HHAT: variants seen among roughly 807,000 people sequenced by gnomAD.
HHAT encodes protein-cysteine N-palmitoyltransferase HHAT.
Under a neutral mutation model 70.8 loss-of-function variants are expected in HHAT, and 47 were observed. The observed-to-expected ratio is 0.66, with a 90% confidence interval of 0.53 to 0.85. The LOEUF is 0.85. Among genes scored for constraint, HHAT ranks in the 40% least tolerant of loss-of-function variants. The pLI is 0.00. For synonymous variants in HHAT, 228 were observed against 247.6 expected (o/e 0.92, Z 0.74); for missense variants, 609 against 604.8 (o/e 1.01, Z -0.07).
chr1:210,599,776 T>C (rs1663826009), intron 10 of HHAT, among the ~76,000 whole-genome samples: 4 of 152,176 alleles, frequency 2.6e-5, no homozygotes, highest in African/African-American at 9.7e-5. Flanking sequence ...TATTTCTCCA[T>C]AAAAACCTAA....
At chr1:210,588,440 A>T (rs562076254) in intron 10 of HHAT, 2 of 203,174 alleles carry the variant, frequency 9.8e-6, no homozygotes, top group South Asian at 2.1e-4. Flanking sequence ...ATATGTATAT[A>T]ACATTAAAAC....
intron 6 of HHAT, among the ~76,000 whole-genome samples, chr1:210,416,323 A>G (rs974629081): frequency 6.6e-6 from 1 of 152,178 alleles, no homozygotes; most frequent in South Asian, 2.1e-4. Context: ...TGCTAAATCA[A>G]GCTCATTTCC....
chr1:210,410,725 C>A (rs2092520524), intron 6 of HHAT, among the ~76,000 whole-genome samples: 1 of 151,510 alleles, frequency 6.6e-6, no homozygotes, highest in Admixed American at 6.6e-5. Flanking sequence ...AGGGTTTGAC[C>A]CTGTTGGCCA....
intron 10 of HHAT, chr1:210,589,440 G>A (rs1401429917): frequency 3.3e-5 from 5 of 152,134 alleles, no homozygotes; most frequent in African/African-American, 1.2e-4. Context: ...GTAACACACA[G>A]GAAAACCAAA....
intron 8 of HHAT, among the ~76,000 whole-genome samples, chr1:210,479,231 C>T (rs1380707569): frequency 1.3e-5 from 2 of 152,190 alleles, no homozygotes; most frequent in Non-Finnish European, 1.5e-5. Flanking sequence ...TAGAGCCTCT[C>T]AGAATGAATT....
At position 210,410,523 on chromosome 1, in the gene HHAT, A is replaced by ATTTTTTTTTTTTTTTTT. The variant is rs35608235; in HGVS notation, c.684+5850_684+5866dup. On this transcript the variant is annotated intron_variant, in intron 6 of 11. Transcript: ENST00000261458. ...CTTTTGCTGTGTTGTTTATTTGTAA[A>ATTTTTTTTTTTTTTTTT]TTTTTTTTTTTTTTTTTTTTTTAAG... is the stretch of plus-strand genomic sequence containing the variant. Among the ~76,000 whole-genome samples, 11 of 116,430 alleles carry ATTTTTTTTTTTTTTTTT rather than the reference A, an allele frequency of 9.4e-5. 1 individual carries two copies. Among genetic ancestry groups the ATTTTTTTTTTTTTTTTT allele is most frequent in the African/African-American group, 3.3e-4 (9 of 27,634 alleles). The allele number at this position is 116,430 out of a possible 152,430, so 76.4% of individuals were successfully genotyped here.
chr1:210,651,920 C>A (rs1412923132), intron 11 of HHAT, among the ~76,000 whole-genome samples: 3 of 152,180 alleles, frequency 2.0e-5, no homozygotes, highest in African/African-American at 7.2e-5. Flanking sequence ...TGGGGGCCCA[C>A]AGGAGCCCTG....
rs768820197 is a variant in HHAT, at chr1:210,587,917, G to A, written c.1063G>A (p.Gly355Ser). Residue 355 changes from glycine to serine, a missense_variant, in exon 10 of 12, where the codon GGC becomes AGC. Physicochemically the swap from Gly to Ser is moderately conservative, Grantham distance 56. Coordinates refer to ENST00000261458, the MANE Select transcript of HHAT (RefSeq NM_018194.6). Reference protein sequence around the residue: ...FLIRYVYIPVGGSQHGLLGTL... With the variant: ...FLIRYVYIPVSGSQHGLLGTL... ...CTCTAGGTATGTGTACATTCCAGTG[G>A]GCGGGTCCCAGCATGGCCTGCTGGG... 70 of 1,613,868 alleles carry A rather than the reference G, an allele frequency of 4.3e-5. No homozygotes were observed. The highest frequency in any genetic ancestry group is 5.7e-5 in the Non-Finnish European group (67 of 1,179,992).
At chr1:210,656,766 G>C (rs1676513782) in intron 11 of HHAT, among the ~76,000 whole-genome samples, 1 of 152,140 alleles carries the variant, frequency 6.6e-6, no homozygotes, top group Admixed American at 6.5e-5. Flanking sequence ...TGCTTCTTTA[G>C]CAGAGAGGGC....
intron 7 of HHAT, among the ~76,000 whole-genome samples, chr1:210,443,266 G>A (rs1456750936): frequency 4.6e-5 from 7 of 151,838 alleles, no homozygotes; most frequent in South Asian, 2.1e-4. Context: ...TATAGTTTGA[G>A]GTCAGGTAGT....
At chr1:210,482,652 G>A (rs542764236) in intron 8 of HHAT, among the ~76,000 whole-genome samples, 3 of 152,264 alleles carry the variant, frequency 2.0e-5, no homozygotes, top group Admixed American at 6.5e-5. Context: ...TATTTGTATC[G>A]AAGTAGAGAG....
At chr1:210,391,738 C>G (rs1318770756) in intron 4 of HHAT, among the ~76,000 whole-genome samples, 3 of 152,086 alleles carry the variant, frequency 2.0e-5, no homozygotes, top group African/African-American at 7.2e-5. Flanking sequence ...ACAAAAATCC[C>G]CTGATATCAG....
chr1:210,674,365 T>C lies in HHAT; in HGVS notation c.1468T>C (p.Tyr490His). The change falls in exon 12 of 12, where the codon TAC becomes CAC. Residue 490 changes from tyrosine (Y) to histidine (H), a missense_variant. By Grantham distance (83) the Tyr-to-His change is moderately conservative (BLOSUM62 2). Coordinates refer to ENST00000261458, the MANE Select transcript of HHAT (RefSeq NM_018194.6). ...SHVGIAWAQT[Y>H]ATD is the part of the protein sequence containing the mutation. Reference sequence around the variant, plus strand: ...CGTGGGCATTGCCTGGGCCCAGACCTACGCCACGGACTAATGCTGTTGGGC... The same window carrying C: ...CGTGGGCATTGCCTGGGCCCAGACCCACGCCACGGACTAATGCTGTTGGGC... 2 of 1,613,966 alleles carry C rather than the reference T, an allele frequency of 1.2e-6. No individual in the cohort carries two copies. Among genetic ancestry groups the C allele is most frequent in the Non-Finnish European group, 1.7e-6 (2 of 1,179,828 alleles).
At chr1:210,335,037 G>A (rs1175162107) in intron 1 of HHAT, among the ~76,000 whole-genome samples, 1 of 152,034 alleles carries the variant, frequency 6.6e-6, no homozygotes. Flanking sequence ...ACCACTTTCC[G>A]GTTGCATTTA....
intron 7 of HHAT, among the ~76,000 whole-genome samples, chr1:210,440,908 C>T (rs1420747883): frequency 6.6e-6 from 1 of 152,132 alleles, no homozygotes; most frequent in East Asian, 1.9e-4. Context: ...GAGAAACCAA[C>T]TTTGGATGAT....
At chr1:210,619,384 C>T (rs558660517) in intron 10 of HHAT, among the ~76,000 whole-genome samples, 2 of 152,292 alleles carry the variant, frequency 1.3e-5, no homozygotes, top group East Asian at 3.9e-4. Flanking sequence ...GGCTCCTCCT[C>T]ACTCTCCATG....
chr1:210,508,934 CA>C (rs1179197609), intron 8 of HHAT, among the ~76,000 whole-genome samples: 1 of 152,142 alleles, frequency 6.6e-6, no homozygotes, highest in Non-Finnish European at 1.5e-5. Flanking sequence ...ATTAGAAGCA[CA>C]GTACCTATGT....
intron 10 of HHAT, among the ~76,000 whole-genome samples, chr1:210,609,884 T>C (rs752063386): frequency 2.3e-4 from 35 of 152,250 alleles, no homozygotes; most frequent in Admixed American, 5.2e-4. Context: ...GGTGTATATA[T>C]ACCACATTTT....
intron 1 of HHAT, among the ~76,000 whole-genome samples, chr1:210,347,942 G>C (rs1348267316): frequency 6.6e-6 from 1 of 152,248 alleles, no homozygotes; most frequent in Non-Finnish European, 1.5e-5. Context: ...CTTAGCTACA[G>C]TGTAGTGTTG....
Sources: allele counts gnomAD v4.1 joint callset (sites outside exome capture counted in the v4.1 genomes callset), GRCh38; gene constraint gnomAD v4.1.1; transcripts MANE v1.5; gene names NCBI Gene and HGNC (gene_info 2026-07-23, HGNC 2026-07-21).